TJP1: variants seen among roughly 807,000 people sequenced by gnomAD.
TJP1 encodes tight junction protein 1.
A neutral mutation model predicts 194.2 loss-of-function variants in TJP1; 43 were observed. The observed-to-expected ratio is 0.22, with a 90% CI of 0.17 to 0.29. The LOEUF is 0.29. TJP1 is among the 10% of genes least tolerant of loss of function. The pLI, the probability that TJP1 is intolerant of heterozygous loss-of-function variation, is 1.00. For synonymous variants in TJP1, 801 were observed against 779.0 expected (o/e 1.03, Z -0.47); for missense variants, 1,971 against 2,185.7 (o/e 0.90, Z 1.96).
At chr15:29,933,779 A>G (rs922311126) in intron 2 of TJP1, among the ~76,000 whole-genome samples, 6 of 152,204 alleles carry the variant, frequency 3.9e-5, no homozygotes, top group African/African-American at 1.4e-4. Context: ...AGAGAAGTAA[A>G]CAAAAACACA....
chr15:29,816,548 T>G (rs1414488173), intron 1 of TJP1, among the ~76,000 whole-genome samples: 1 of 152,186 alleles, frequency 6.6e-6, no homozygotes, highest in African/African-American at 2.4e-5. Flanking sequence ...TGAGGATCAT[T>G]AAAAGTTGGC....
chr15:29,828,941 C>T (rs1173052834), intron 2 of TJP1, among the ~76,000 whole-genome samples: 5 of 151,954 alleles, frequency 3.3e-5, no homozygotes, highest in South Asian at 2.1e-4. Context: ...TTAGTAGAGA[C>T]GGGGTTTCAC....
rs553244857 is a variant in TJP1 at position 29,708,687 on chromosome 15, A to G, written c.4722T>C (p.Leu1574=). 6.2e-7 allele frequency: 1 copy of G among 1,614,246 alleles called. No individual in the cohort carries two copies. The highest frequency in any genetic ancestry group is 1.7e-5 in the Admixed American group (1 of 60,028). ...SSKTPTSPKT[L]VKSHSLAQPP... ...GCTGTGCCAAACTGTGCGATTTCACAAGAGTTTTTGGAGAAGTGGGAGTTT... is the reference window on the plus strand; with the variant it reads ...GCTGTGCCAAACTGTGCGATTTCACGAGAGTTTTTGGAGAAGTGGGAGTTT... Residue 1574 remains leucine (L), a synonymous_variant, in exon 25 of 28, where the codon CTT becomes CTC. Transcript: ENST00000614355.
chr15:29,800,399 T>A (rs564398117), intron 2 of TJP1: 173 of 505,690 alleles, frequency 3.4e-4, no homozygotes, highest in African/African-American at 3.0e-3. Context: ...TCACTCAAAA[T>A]TTTAAAAGCA....
intron 2 of TJP1, among the ~76,000 whole-genome samples, chr15:29,954,754 A>G (rs1384247613): frequency 6.6e-6 from 1 of 152,222 alleles, no homozygotes; most frequent in African/African-American, 2.4e-5. Context: ...TACATGTAAA[A>G]TAAATGTAAA....
intron 15 of TJP1, among the ~76,000 whole-genome samples, chr15:29,731,818 A>T (rs375187310): frequency 3.9e-4 from 60 of 152,172 alleles, no homozygotes; most frequent in South Asian, 3.3e-3. Context: ...AAAAAAAAAG[A>T]AAGTAAATAA....
intron 2 of TJP1, among the ~76,000 whole-genome samples, chr15:29,790,570 T>C (rs2048005990): frequency 6.6e-6 from 1 of 152,162 alleles, no homozygotes; most frequent in African/African-American, 2.4e-5. Context: ...CTCTTCTAGT[T>C]ACTGTGAAAT....
intron 2 of TJP1, among the ~76,000 whole-genome samples, chr15:29,866,926 C>T (rs1488267545): frequency 6.6e-6 from 1 of 152,262 alleles, no homozygotes; most frequent in East Asian, 1.9e-4. Flanking sequence ...CAAGAGCCAC[C>T]GTCACCCTGA....
chr15:29,855,859 GAA>G (rs879879945), intron 2 of TJP1, among the ~76,000 whole-genome samples: 2 of 128,012 alleles, frequency 1.6e-5, no homozygotes, highest in Non-Finnish European at 1.7e-5. Context: ...CCATCTCAAA[GAA>G]AAAAAAAAAA....
intron 2 of TJP1, among the ~76,000 whole-genome samples, chr15:29,908,768 C>T (rs1313013931): frequency 3.3e-5 from 5 of 152,118 alleles, no homozygotes; most frequent in Non-Finnish European, 4.4e-5. Context: ...CCTGTAATCC[C>T]AGCACTCTGG....
chr15:29,835,114 A>G (rs2050982174), intron 2 of TJP1, among the ~76,000 whole-genome samples: 1 of 152,148 alleles, frequency 6.6e-6, no homozygotes, highest in South Asian at 2.1e-4. Context: ...TTATAGCTAT[A>G]ACTTTCAGTG....
Position 29,701,531 on chromosome 15 carries a change from A to T in TJP1, c.*64T>A. ...CTAAAAAAGGTATAATACTTGATAGAGTGGTTCCATTTAGATTAAGTTTAA... is the reference window on the plus strand; with the variant it reads ...CTAAAAAAGGTATAATACTTGATAGTGTGGTTCCATTTAGATTAAGTTTAA... On this transcript the variant is annotated 3_prime_UTR_variant, in exon 28 of 28. Coordinates refer to ENST00000614355, the MANE Select transcript of TJP1 (RefSeq NM_001330239.4). 1 of 1,322,800 alleles carries T rather than the reference A, an allele frequency of 7.6e-7. No homozygotes were observed. The highest frequency in any genetic ancestry group is 1.1e-6 in the Non-Finnish European group (1 of 921,880). The allele number at this position is 1,322,800 out of a possible 1,614,324, so 81.9% of individuals were successfully genotyped here. A position where few individuals can be genotyped will look rare whatever the true frequency, so the allele number is the denominator to read the frequency against.
intron 2 of TJP1, among the ~76,000 whole-genome samples, chr15:29,833,875 A>ATTTTT (rs1175518448): frequency 6.6e-4 from 11 of 16,554 alleles, no homozygotes; most frequent in Non-Finnish European, 9.6e-4. Context: ...ATATATATAT[A>ATTTTT]TATATATTTT....
chr15:29,808,606 G>T (rs1224507794), intron 1 of TJP1, among the ~76,000 whole-genome samples: 4 of 152,142 alleles, frequency 2.6e-5, no homozygotes, highest in Admixed American at 1.3e-4. Context: ...TTTAAAAAAT[G>T]ATAAGTGCTG....
At chr15:29,874,780 C>T (rs2052641347) in intron 2 of TJP1, among the ~76,000 whole-genome samples, 1 of 152,162 alleles carries the variant, frequency 6.6e-6, no homozygotes, top group African/African-American at 2.4e-5. Context: ...GGCTTTTAAA[C>T]ACCACAACTT....
At chr15:29,759,748 C>G (rs1472516324) in intron 8 of TJP1, 1 of 153,930 alleles carries the variant, frequency 6.5e-6, no homozygotes, top group African/African-American at 2.4e-5. Flanking sequence ...GTTTATTTCA[C>G]TTAGCACAAT....
rs186038952 is a variant in TJP1 at position 29,880,475 on chromosome 15, C to T, written c.306+75757G>A. On this transcript the variant is annotated intron_variant, in intron 2 of 28. Transcript: ENST00000356107. ...TTTGTGGTAAAATCTACCCTCTTAA[C>T]GGATTTTCAAGTACACAATACCATA... is the stretch of plus-strand genomic sequence containing the variant. 1.3e-3 allele frequency among the ~76,000 whole-genome samples: 202 copies of T among 152,210 alleles called. 1 individual carries two copies. The highest frequency in any genetic ancestry group is 4.4e-3 in the African/African-American group (183 of 41,524).
intron 2 of TJP1, among the ~76,000 whole-genome samples, chr15:29,938,467 T>C (rs537129061): frequency 6.6e-6 from 1 of 152,356 alleles, no homozygotes; most frequent in Non-Finnish European, 1.5e-5. Context: ...AGTTTACAGC[T>C]AGTTTTAAAC....
chr15:29,905,375 G>A (rs970244381), intron 2 of TJP1, among the ~76,000 whole-genome samples: 2 of 152,080 alleles, frequency 1.3e-5, no homozygotes, highest in Non-Finnish European at 2.9e-5. Context: ...AAATCTAAAT[G>A]TTCAAAAATT....
Sources: gnomAD v4.1 joint callset for allele counts (sites outside exome capture counted in the v4.1 genomes callset) on GRCh38, gnomAD v4.1.1 for gene constraint, MANE v1.5 for transcripts, NCBI Gene and HGNC (gene_info 2026-07-23, HGNC 2026-07-21) for gene names.